THSD4: variants seen among roughly 807,000 people sequenced by gnomAD.
THSD4 encodes thrombospondin type 1 domain containing 4.
A neutral mutation model predicts 119.0 loss-of-function variants in THSD4; 69 were observed. The ratio of observed to expected loss-of-function variants is 0.58; its 90% CI spans 0.48 to 0.71. The LOEUF (loss-of-function observed/expected upper bound fraction) is 0.71, where lower values mean the gene tolerates loss of function less well. THSD4 is among the 30% of genes least tolerant of loss of function. The pLI is 0.00. For missense variants in THSD4, 1,393 were observed against 1,391.1 expected (o/e 1.00, Z -0.02); for synonymous variants, 524 against 540.4 (o/e 0.97, Z 0.42).
intron 2 of THSD4, among the ~76,000 whole-genome samples, chr15:71,152,207 G>A (rs763170252): frequency 2.6e-5 from 4 of 152,114 alleles, no homozygotes; most frequent in Non-Finnish European, 5.9e-5. Context: ...CGGATCACCT[G>A]AGGTCAGGAG....
intron 8 of THSD4, among the ~76,000 whole-genome samples, chr15:71,715,658 A>G (rs74025517): frequency 0.17 from 25,778 of 152,056 alleles, 2,404 homozygotes; most frequent in Middle Eastern, 0.22. Flanking sequence ...TTCATAGTAT[A>G]GTAAAATTTA....
At chr15:71,110,927 G>GT (rs1339157859), upstream of THSD4, 1 of 580,302 alleles carries the variant, frequency 1.7e-6, no homozygotes, top group East Asian at 2.9e-5. Context: ...GATCTCCATT[G>GT]TCTAGGCCTA....
At chr15:71,629,019 G>T (rs926669708) in intron 7 of THSD4, among the ~76,000 whole-genome samples, 3 of 152,210 alleles carry the variant, frequency 2.0e-5, no homozygotes, top group African/African-American at 7.2e-5. Context: ...AGTGGTGTGT[G>T]TCTAAAGCAA....
At chr15:71,647,976 T>G (rs1341650568) in intron 7 of THSD4, among the ~76,000 whole-genome samples, 1 of 152,076 alleles carries the variant, frequency 6.6e-6, no homozygotes, top group African/African-American at 2.4e-5. Flanking sequence ...TATAAGCGTA[T>G]AGGTGGCCCT....
At chr15:71,244,980 G>A (rs1179918275) in intron 5 of THSD4, among the ~76,000 whole-genome samples, 6 of 152,262 alleles carry the variant, frequency 3.9e-5, no homozygotes, top group Non-Finnish European at 8.8e-5. Context: ...TGTAAAGCCC[G>A]CCCCTTTTGC....
At chr15:71,444,895 C>G (rs1052440258) in intron 7 of THSD4, among the ~76,000 whole-genome samples, 1 of 152,168 alleles carries the variant, frequency 6.6e-6, no homozygotes. Context: ...AATTATTCCC[C>G]TGCCTCTGTG....
intron 6 of THSD4, among the ~76,000 whole-genome samples, chr15:71,365,327 C>T (rs1372838197): frequency 1.3e-5 from 2 of 152,050 alleles, no homozygotes; most frequent in Non-Finnish European, 2.9e-5. Flanking sequence ...TCAGTCTCTA[C>T]CCTTCCTGTC....
chr15:71,734,388 G>A (rs1288045124), intron 10 of THSD4, among the ~76,000 whole-genome samples: 1 of 152,164 alleles, frequency 6.6e-6, no homozygotes, highest in Non-Finnish European at 1.5e-5. Context: ...AGTGAAAGAG[G>A]CCACTCTGAA....
intron 7 of THSD4, among the ~76,000 whole-genome samples, chr15:71,644,710 T>A (rs1004489867): frequency 3.3e-5 from 5 of 152,200 alleles, no homozygotes; most frequent in African/African-American, 1.2e-4. Context: ...TTTCCAGCCA[T>A]CCTAAGAAGT....
rs1285786783 is a variant in THSD4 at position 71,728,639 on chromosome 15, C to T, written c.1448C>T (p.Thr483Ile). The T allele has an allele frequency of 5.0e-6, 8 of 1,614,098 alleles. No homozygotes were observed. The highest frequency in any genetic ancestry group is 6.8e-6 in the Non-Finnish European group (8 of 1,180,056). Residue 483 changes from threonine (T) to isoleucine (I), a missense_variant, in exon 9 of 18, where the codon ACC becomes ATC. By Grantham distance (89) the Thr-to-Ile change is moderately conservative. Coordinates refer to ENST00000261862, the MANE Select transcript of THSD4 (RefSeq NM_024817.3). ...TACGAGGGCGGAGGGACCATGTTCA[C>T]CTACAAGCGTCCAAATGAGATTTCG... Reference protein sequence around the residue: ...GKYEGGGTMFTYKRPNEISST... With the variant: ...GKYEGGGTMFIYKRPNEISST...
At chr15:71,554,987 C>T (rs531427359) in intron 7 of THSD4, among the ~76,000 whole-genome samples, 10 of 152,148 alleles carry the variant, frequency 6.6e-5, no homozygotes, top group Non-Finnish European at 1.0e-4. Context: ...ATGTCCTCCT[C>T]GCTTCTCTCC....
intron 6 of THSD4, among the ~76,000 whole-genome samples, chr15:71,300,826 T>C (rs1458919089): frequency 1.3e-5 from 2 of 152,348 alleles, no homozygotes; most frequent in South Asian, 2.1e-4. Flanking sequence ...CAAGTTCTAA[T>C]AGAGCATCAA....
chr15:71,214,055 C>T (rs2140248929), intron 3 of THSD4, among the ~76,000 whole-genome samples: 1 of 147,030 alleles, frequency 6.8e-6, no homozygotes, highest in South Asian at 2.1e-4. Context: ...GGCTCTGTGT[C>T]TAGCTAAAGG....
chr15:71,386,198 G>A (rs1268670911), intron 6 of THSD4, among the ~76,000 whole-genome samples: 1 of 152,148 alleles, frequency 6.6e-6, no homozygotes, highest in Non-Finnish European at 1.5e-5. Context: ...AAATGTTAAT[G>A]GGTTGACTTC....
chr15:71,334,375 A>G (rs1051220236), intron 6 of THSD4, among the ~76,000 whole-genome samples: 4 of 152,224 alleles, frequency 2.6e-5, no homozygotes, highest in Non-Finnish European at 4.4e-5. Flanking sequence ...AGAGGTGGAC[A>G]TCGGCAGCTT....
chr15:71,691,127 G>A (rs528504978), intron 8 of THSD4, among the ~76,000 whole-genome samples: 2 of 152,032 alleles, frequency 1.3e-5, no homozygotes, highest in Non-Finnish European at 2.9e-5. Flanking sequence ...TGAAGGAAGG[G>A]GCCACAAACT....
intron 1 of THSD4, among the ~76,000 whole-genome samples, chr15:71,104,889 C>T (rs147797725): frequency 2.0e-5 from 3 of 152,162 alleles, no homozygotes; most frequent in Admixed American, 6.5e-5. Context: ...CAGAGTGACC[C>T]GTAGGGCTGA....
At chr15:71,764,956 T>G in intron 15 of THSD4, 64 bp from the exon 16 acceptor site, 1 of 1,552,488 alleles carries the variant, frequency 6.4e-7, no homozygotes, top group African/African-American at 1.4e-5. Context: ...CATCCCTTGA[T>G]GGACAGTAGC....
chr15:71,120,959 A>C (rs2040404015), intron 1 of THSD4, among the ~76,000 whole-genome samples: 1 of 152,178 alleles, frequency 6.6e-6, no homozygotes, highest in African/African-American at 2.4e-5. Context: ...TTTTTCTTGG[A>C]GGCACAGTCA....
Sources: allele counts gnomAD v4.1 joint callset (sites outside exome capture counted in the v4.1 genomes callset), GRCh38; gene constraint gnomAD v4.1.1; transcripts MANE v1.5; gene names NCBI Gene and HGNC (gene_info 2026-07-23, HGNC 2026-07-21).